Variants in FERMT2 observed in about 807,000 individuals in gnomAD.
The protein encoded by FERMT2 is fermitin family homolog 2.
A neutral mutation model predicts 82.7 loss-of-function variants in FERMT2; 15 were observed. The observed-to-expected ratio is 0.18, with a 90% CI of 0.12 to 0.28. The LOEUF is 0.28. Ranked by LOEUF, FERMT2 falls within the 10% of genes least tolerant of loss-of-function variation. FERMT2 has a pLI of 1.00. For missense variants in FERMT2, 645 were observed against 809.4 expected (o/e 0.80, Z 2.46); for synonymous variants, 274 against 271.5 (o/e 1.01, Z -0.09).
rs766436614 is a variant in FERMT2 at position 52,875,242 on chromosome 14, C to G, written c.1079G>C (p.Gly360Ala). 2.5e-6 allele frequency: 4 copies of G among 1,607,360 alleles called. No individual in the cohort carries two copies. The South Asian group carries it at 4.5e-5, about 18-fold the overall frequency. The change falls in exon 8 of 15, where the codon GGT (glycine) becomes GCT (alanine). Residue 360 changes from glycine (G) to alanine (A), a missense_variant. Coordinates refer to ENST00000341590, the MANE Select transcript of FERMT2 (RefSeq NM_006832.3). ...LSDLEITLEG[G>A]KTSTILGDIT... ...CCCTACCAAAATTGTTGACGTTTTA[C>G]CCCCTTCCAGAGTAATCTCCAGGTC...
intron 2 of FERMT2, among the ~76,000 whole-genome samples, chr14:52,927,749 C>T (rs571811584): frequency 7.2e-5 from 11 of 152,084 alleles, no homozygotes; most frequent in Admixed American, 4.6e-4. Flanking sequence ...TGTTTCTGCA[C>T]GAGAGCTGGA....
chr14:52,887,639 G>C (rs1366813031), intron 4 of FERMT2, among the ~76,000 whole-genome samples: 1 of 152,000 alleles, frequency 6.6e-6, no homozygotes, highest in Non-Finnish European at 1.5e-5. Flanking sequence ...ACCAGCCTGG[G>C]CAACACAGAG....
intron 3 of FERMT2, among the ~76,000 whole-genome samples, chr14:52,896,999 A>AACACACACACACACACACACACACAC (rs57945447): frequency 7.3e-6 from 1 of 137,088 alleles, no homozygotes; most frequent in African/African-American, 2.8e-5. Context: ...AAACAAATAA[A>AACACACACACACACACACACACACAC]ACACACACAC....
intron 12 of FERMT2, among the ~76,000 whole-genome samples, chr14:52,864,143 C>T (rs541366802): frequency 2.0e-5 from 3 of 152,152 alleles, no homozygotes; most frequent in Non-Finnish European, 4.4e-5. Context: ...CTGCATTATA[C>T]TTACCAGTTG....
chr14:52,907,506 T>G (rs138453539), intron 3 of FERMT2, among the ~76,000 whole-genome samples: 1 of 152,174 alleles, frequency 6.6e-6, no homozygotes, highest in Non-Finnish European at 1.5e-5. Context: ...AATACTTCAC[T>G]GCTTTAGGGC....
At chr14:52,931,634 C>G (rs972924355) in intron 2 of FERMT2, among the ~76,000 whole-genome samples, 7 of 152,156 alleles carry the variant, frequency 4.6e-5, no homozygotes, top group Non-Finnish European at 1.0e-4. Flanking sequence ...TAGAAAGTTC[C>G]TAGCTTGATA....
intron 2 of FERMT2, among the ~76,000 whole-genome samples, chr14:52,936,263 T>A (rs1432622833): frequency 2.0e-5 from 3 of 152,232 alleles, no homozygotes; most frequent in Non-Finnish European, 4.4e-5. Flanking sequence ...GGCTTTTATG[T>A]TGTAAGCTTA....
intron 3 of FERMT2, among the ~76,000 whole-genome samples, chr14:52,911,655 TAAA>T (rs1284789789): frequency 8.7e-6 from 1 of 115,482 alleles, no homozygotes. Flanking sequence ...CATCTCAAAA[TAAA>T]AAAAAAAAAA....
chr14:52,871,852 G>T (rs1885643188), intron 10 of FERMT2: 1 of 152,356 alleles, frequency 6.6e-6, no homozygotes, highest in Non-Finnish European at 1.5e-5. Context: ...GATTTGAAAA[G>T]ACAGGACAAG....
chr14:52,937,982 A>G (rs958595579), intron 2 of FERMT2, among the ~76,000 whole-genome samples: 1 of 151,934 alleles, frequency 6.6e-6, no homozygotes, highest in African/African-American at 2.4e-5. Context: ...TGCTTTACAC[A>G]TGTGTCTGCA....
At chr14:52,882,089 A>T (rs981586850) in intron 4 of FERMT2, among the ~76,000 whole-genome samples, 17 of 152,346 alleles carry the variant, frequency 1.1e-4, no homozygotes, top group African/African-American at 4.1e-4. Flanking sequence ...ATATGTCTAC[A>T]ACTTTTACCA....
intron 3 of FERMT2, among the ~76,000 whole-genome samples, chr14:52,899,974 T>C (rs76673112): frequency 0.089 from 13,624 of 152,258 alleles, 741 homozygotes; most frequent in East Asian, 0.2. Context: ...AACTTTAAAA[T>C]AGCCATACCA....
At chr14:52,887,627 T>C (rs1309670343) in intron 4 of FERMT2, among the ~76,000 whole-genome samples, 2 of 151,316 alleles carry the variant, frequency 1.3e-5, no homozygotes, top group Non-Finnish European at 3.0e-5. Context: ...CAAGAGTTGA[T>C]GACCAGCCTG....
intron 3 of FERMT2, among the ~76,000 whole-genome samples, chr14:52,894,631 A>AT (rs1887147560): frequency 1.3e-5 from 2 of 152,152 alleles, no homozygotes; most frequent in African/African-American, 4.8e-5. Flanking sequence ...GGTGATCAGA[A>AT]TTTTTTGACA....
chr14:52,858,671 C>A (rs765397116), intron 14 of FERMT2, 121 bp from the exon 15 acceptor site: 54 of 867,604 alleles, frequency 6.2e-5, no homozygotes, highest in South Asian at 1.6e-4. Flanking sequence ...CTCAAATGAT[C>A]AGTCTGTCTA....
At chr14:52,908,422 G>A (rs73304351) in intron 3 of FERMT2, among the ~76,000 whole-genome samples, 15,490 of 152,014 alleles carry the variant, frequency 0.1, 842 homozygotes, top group East Asian at 0.2. Flanking sequence ...CCAGCCCTTC[G>A]ACTGGTGAAT....
intron 2 of FERMT2, among the ~76,000 whole-genome samples, chr14:52,919,716 T>C (rs1298824415): frequency 6.6e-6 from 1 of 152,200 alleles, no homozygotes; most frequent in African/African-American, 2.4e-5. Flanking sequence ...GAACTCGTCC[T>C]ATAGGAATGG....
chr14:52,874,028 C>G, intron 9 of FERMT2, 149 bp downstream of exon 9: 1 of 438,484 alleles, frequency 2.3e-6, no homozygotes, highest in African/African-American at 2.0e-5. Context: ...GTTATTTTCT[C>G]TCGTGGTAAT....
At chr14:52,941,631 T>A (rs544391478) in intron 2 of FERMT2, among the ~76,000 whole-genome samples, 263 of 152,328 alleles carry the variant, frequency 1.7e-3, no homozygotes, top group South Asian at 3.1e-3. Flanking sequence ...ACTGGGCATA[T>A]ATACCAATTT....
Sources: allele counts gnomAD v4.1 joint callset (sites outside exome capture counted in the v4.1 genomes callset), GRCh38; gene constraint gnomAD v4.1.1; transcripts MANE v1.5; gene names NCBI Gene and HGNC (gene_info 2026-07-23, HGNC 2026-07-21).